SREBF2: variants seen among roughly 807,000 people sequenced by gnomAD.
The protein encoded by SREBF2 is sterol regulatory element binding transcription factor 2.
SREBF2 carries 55 observed loss-of-function variants against 113.1 expected under a neutral mutation model. The ratio of observed to expected loss-of-function variants is 0.49; its 90% CI spans 0.39 to 0.61. SREBF2 has a LOEUF of 0.61. Among genes scored for constraint, SREBF2 ranks in the 20% least tolerant of loss-of-function variants. The pLI is 0.00. For missense variants in SREBF2, 1,349 were observed against 1,487.4 expected, an observed-to-expected ratio of 0.91 and a Z score of 1.53; for synonymous variants, 593 against 605.7, an observed-to-expected ratio of 0.98 and a Z score of 0.31.
chr22:41,846,204 C>T (rs2076875312), intron 1 of SREBF2, among the ~76,000 whole-genome samples: 1 of 152,238 alleles, frequency 6.6e-6, no homozygotes, highest in Non-Finnish European at 1.5e-5. Context: ...GAAACCGCTT[C>T]TATCTAGCTT....
At chr22:41,897,209 C>A in intron 14 of SREBF2, 48 bp downstream of exon 14, 2 of 1,314,906 alleles carry the variant, frequency 1.5e-6, no homozygotes, top group Non-Finnish European at 2.2e-6. Context: ...CAGTTCAGGT[C>A]TTCACAGTGC....
At chr22:41,879,924 A>G (rs927024810) in intron 9 of SREBF2, among the ~76,000 whole-genome samples, 1 of 152,176 alleles carries the variant, frequency 6.6e-6, no homozygotes, top group Non-Finnish European at 1.5e-5. Flanking sequence ...ATGGTTCTCA[A>G]ACTTCAGCAG....
chr22:41,872,142 C>T (rs1039789699), intron 4 of SREBF2, among the ~76,000 whole-genome samples: 1 of 150,862 alleles, frequency 6.6e-6, no homozygotes, highest in Non-Finnish European at 1.5e-5. Flanking sequence ...CCTAGCTACT[C>T]GGGAGGCCGA....
intron 1 of SREBF2, among the ~76,000 whole-genome samples, chr22:41,843,452 T>C (rs2076847033): frequency 6.6e-6 from 1 of 152,240 alleles, no homozygotes; most frequent in Admixed American, 6.5e-5. Flanking sequence ...TTAACCTACA[T>C]TCGTCTCATA....
chr22:41,904,700 A>C (rs1462585615), intron 17 of SREBF2, 163 bp from the exon 18 acceptor site: 4 of 721,438 alleles, frequency 5.5e-6, no homozygotes, highest in Non-Finnish European at 1.0e-5. Flanking sequence ...GCTCAGGGTC[A>C]GAGTACGGGA....
Position 41,904,959 on chromosome 22 carries a change from C to G in SREBF2, c.3190C>G (p.Gln1064Glu). The change falls in exon 18 of 19, where the codon CAG (glutamine) becomes GAG (glutamate). Residue 1064 changes from glutamine to glutamate, a missense_variant. Around this residue, in one of 2 missense-constraint regions of SREBF2, gnomAD observed 650 missense variants for 644.1 expected, o/e 1.01. Transcript: ENST00000361204. ...ACACAGCCTGCGGCGGCGCACCACGCAGAGCACCAAGCACGGTGAGTCCAC... is the reference window on the plus strand; with the variant it reads ...ACACAGCCTGCGGCGGCGCACCACGGAGAGCACCAAGCACGGTGAGTCCAC... The part of the protein sequence containing the change: ...LEHSLRRRTT[Q>E]STKHGEVDAW... 6.3e-7 allele frequency: 1 copy of G among 1,597,320 alleles called. No homozygotes were observed. Among genetic ancestry groups the G allele is most frequent in the Non-Finnish European group, 8.5e-7 (1 of 1,176,406 alleles).
chr22:41,871,629 C>T (rs1001088613), intron 4 of SREBF2, among the ~76,000 whole-genome samples: 3 of 152,164 alleles, frequency 2.0e-5, no homozygotes, highest in Non-Finnish European at 2.9e-5. Flanking sequence ...CGGTGGCTCA[C>T]GCCTGTAATC....
chr22:41,873,503 A>G (rs576811198), intron 4 of SREBF2, among the ~76,000 whole-genome samples: 8 of 152,172 alleles, frequency 5.3e-5, no homozygotes, highest in Non-Finnish European at 1.2e-4. Flanking sequence ...GCAAAGCAGA[A>G]ATCATATGAC....
At chr22:41,844,181 T>TG (rs552164173) in intron 1 of SREBF2, among the ~76,000 whole-genome samples, 1 of 151,556 alleles carries the variant, frequency 6.6e-6, no homozygotes, top group African/African-American at 2.4e-5. Flanking sequence ...CTCTGTAAGG[T>TG]GGGGGTTGGG....
chr22:41,859,077 C>A (rs2077002173), intron 1 of SREBF2, among the ~76,000 whole-genome samples: 1 of 150,936 alleles, frequency 6.6e-6, no homozygotes, highest in South Asian at 2.1e-4. Flanking sequence ...GAGCCGAGAT[C>A]CCGCCACTGC....
chr22:41,881,090 C>A, intron 10 of SREBF2, 98 bp downstream of exon 10: 2 of 1,460,022 alleles, frequency 1.4e-6, no homozygotes, highest in South Asian at 2.4e-5. Flanking sequence ...TAGCTGAAGT[C>A]CCTTTAACGC....
At chr22:41,876,940 T>A (rs1459383805) in intron 7 of SREBF2, among the ~76,000 whole-genome samples, 1 of 152,178 alleles carries the variant, frequency 6.6e-6, no homozygotes, top group African/African-American at 2.4e-5. Flanking sequence ...AGAAACAGAA[T>A]CATACAGTGT....
At chr22:41,854,668 A>G (rs2076961688) in intron 1 of SREBF2, among the ~76,000 whole-genome samples, 1 of 151,694 alleles carries the variant, frequency 6.6e-6, no homozygotes, top group Non-Finnish European at 1.5e-5. Context: ...CAGGAGTTCA[A>G]GACCAGCCTG....
intron 1 of SREBF2, among the ~76,000 whole-genome samples, chr22:41,836,415 G>T (rs1294241169): frequency 1.3e-5 from 2 of 152,234 alleles, no homozygotes; most frequent in Admixed American, 1.3e-4. Context: ...CTTGGTAAAG[G>T]CTGGCTTAGC....
intron 10 of SREBF2, among the ~76,000 whole-genome samples, chr22:41,883,601 C>G (rs1022656695): frequency 1.3e-5 from 2 of 152,202 alleles, no homozygotes; most frequent in Admixed American, 1.3e-4. Context: ...CTGGCATTCC[C>G]TGTGTGAGGC....
chr22:41,843,642 A>G (rs546180521), intron 1 of SREBF2, among the ~76,000 whole-genome samples: 2 of 152,242 alleles, frequency 1.3e-5, no homozygotes, highest in East Asian at 3.9e-4. Flanking sequence ...CAGGCTTCTA[A>G]GTTGCAAATA....
At chr22:41,884,227 G>A (rs915345566) in intron 10 of SREBF2, among the ~76,000 whole-genome samples, 4 of 152,044 alleles carry the variant, frequency 2.6e-5, no homozygotes, top group Non-Finnish European at 5.9e-5. Context: ...CCTCCGCATC[G>A]CAGGCTCAAG....
chr22:41,893,018 C>T (rs1381476137), intron 11 of SREBF2, 99 bp from the exon 12 acceptor site: 1 of 1,451,440 alleles, frequency 6.9e-7, no homozygotes, highest in Non-Finnish European at 9.6e-7. Flanking sequence ...CCAGTCTCCC[C>T]CAAAGCCCAC....
intron 1 of SREBF2, among the ~76,000 whole-genome samples, chr22:41,856,131 T>C (rs1424113045): frequency 2.0e-5 from 3 of 152,152 alleles, no homozygotes; most frequent in East Asian, 1.9e-4. Context: ...TTAATTTTTC[T>C]TTCCTGTTTT....
Sources: gnomAD v4.1 joint callset for allele counts (sites outside exome capture counted in the v4.1 genomes callset) on GRCh38, gnomAD v4.1.1 for gene constraint, gnomAD v4.1.1 regional missense constraint, MANE v1.5 for transcripts, NCBI Gene and HGNC (gene_info 2026-07-23, HGNC 2026-07-21) for gene names.